Variants in JMY observed in about 807,000 individuals in gnomAD.
JMY encodes junction-mediating and -regulatory protein.
A neutral mutation model predicts 103.3 loss-of-function variants in JMY; 46 were observed. The observed-to-expected ratio is 0.45, with a 90% CI of 0.35 to 0.57. JMY has a LOEUF of 0.57. Ranked by LOEUF, JMY falls within the 20% of genes least tolerant of loss-of-function variation. The pLI, the probability that JMY is intolerant of heterozygous loss-of-function variation, is 0.00. For synonymous variants in JMY, 526 were observed against 489.3 expected (o/e 1.07, Z -0.99); for missense variants, 1,238 against 1,255.2 (o/e 0.99, Z 0.21).
At position 79,293,960 on chromosome 5, in the gene JMY, T is replaced by G. The variant is rs572441162; in HGVS notation, c.1527+2661T>G. On this transcript the variant is annotated intron_variant, in intron 4 of 10. Coordinates refer to ENST00000396137, the MANE Select transcript of JMY (RefSeq NM_152405.5). ...TCAGATATAGCTTACGTTTTTTGTT[T>G]TAAACTATTGGACAAGATTAAAATA... is the stretch of plus-strand genomic sequence containing the variant. Among the ~76,000 whole-genome samples, 11 of 152,342 alleles carry G rather than the reference T, an allele frequency of 7.2e-5. No homozygotes were observed. In the East Asian group the frequency reaches 2.1e-3, roughly 29 times the overall value.
intron 1 of JMY, among the ~76,000 whole-genome samples, chr5:79,258,847 A>C (rs1745333924): frequency 6.6e-6 from 1 of 152,132 alleles, no homozygotes; most frequent in East Asian, 1.9e-4. Flanking sequence ...TGTTGGCTGT[A>C]ACATTGTGGG....
chr5:79,314,913 AT>A (rs1483077396), intron 9 of JMY, 62 bp downstream of exon 9: 6 of 1,436,454 alleles, frequency 4.2e-6, no homozygotes, highest in South Asian at 1.5e-5. Flanking sequence ...AAAAAACTAT[AT>A]TTTTTGACGT....
At position 79,314,434 on chromosome 5, in the gene JMY, C is replaced by T. The variant is rs1392108360; in HGVS notation, c.2242C>T (p.Gln748Ter). 1 of 1,614,168 alleles carries T rather than the reference C, an allele frequency of 6.2e-7. No individual in the cohort carries two copies. Among genetic ancestry groups the T allele is most frequent in the Non-Finnish European group, 8.5e-7 (1 of 1,180,032 alleles). Residue 748 changes from glutamine (Q) to a stop codon, truncating the protein, a stop_gained, in exon 9 of 11, where the codon CAG (glutamine) becomes TAG (stop). Transcript: ENST00000396137. LOFTEE classifies it high-confidence loss of function. ...GEGRVKRGPS[Q>*]TTEPQSLVQL... ...AGGAAGAGTCAAGCGTGGGCCATCACAGACAACAGAACCCCAGAGCCTTGT... is the reference window on the plus strand; with the variant it reads ...AGGAAGAGTCAAGCGTGGGCCATCATAGACAACAGAACCCCAGAGCCTTGT...
chr5:79,243,049 C>G (rs1744787117), intron 1 of JMY, among the ~76,000 whole-genome samples: 1 of 152,110 alleles, frequency 6.6e-6, no homozygotes, highest in African/African-American at 2.4e-5. Context: ...CCTAGTGGTG[C>G]AAGGATAGGT....
intron 7 of JMY, 85 bp from the exon 8 acceptor site, chr5:79,312,318 C>T (rs1048917049): frequency 2.2e-5 from 17 of 778,286 alleles, no homozygotes; most frequent in African/African-American, 1.8e-4. Flanking sequence ...CTTTGGCCCA[C>T]ATTAGGATAA....
chr5:79,274,920 A>T (rs1745894519), intron 1 of JMY, among the ~76,000 whole-genome samples: 2 of 152,216 alleles, frequency 1.3e-5, no homozygotes, highest in Admixed American at 6.5e-5. Context: ...AAGGCAGCAG[A>T]TGAAATATTT....
intron 2 of JMY, among the ~76,000 whole-genome samples, chr5:79,282,966 G>A (rs1746163309): frequency 6.7e-6 from 1 of 149,936 alleles, no homozygotes; most frequent in Admixed American, 6.7e-5. Flanking sequence ...TATCAAACCG[G>A]TTATTTCAAC....
intron 1 of JMY, among the ~76,000 whole-genome samples, chr5:79,253,765 G>A (rs1279507022): frequency 1.3e-5 from 2 of 152,044 alleles, no homozygotes; most frequent in African/African-American, 4.8e-5. Flanking sequence ...GCATGCAGTG[G>A]AGTGCAGGCT....
intron 7 of JMY, among the ~76,000 whole-genome samples, chr5:79,308,348 G>C (rs1013903901): frequency 1.3e-5 from 2 of 152,126 alleles, no homozygotes; most frequent in Non-Finnish European, 2.9e-5. Flanking sequence ...TTATAGTTTT[G>C]TGTTTTATAT....
chr5:79,261,078 C>G (rs867673044), intron 1 of JMY, among the ~76,000 whole-genome samples: 3 of 152,046 alleles, frequency 2.0e-5, no homozygotes, highest in African/African-American at 4.8e-5. Context: ...CTCATTAAGC[C>G]AAAGGGAAAA....
At chr5:79,289,468 A>G (rs1359081080) in intron 2 of JMY, among the ~76,000 whole-genome samples, 2 of 152,106 alleles carry the variant, frequency 1.3e-5, no homozygotes, top group Admixed American at 6.5e-5. Context: ...GATTGTATGT[A>G]TAAGTGATCC....
chr5:79,316,692 G>A (rs932052490), intron 10 of JMY, among the ~76,000 whole-genome samples: 24 of 151,920 alleles, frequency 1.6e-4, no homozygotes, highest in African/African-American at 5.3e-4. Context: ...GATCACTTGA[G>A]GTCAGGAGTT....
intron 4 of JMY, among the ~76,000 whole-genome samples, chr5:79,296,754 C>T (rs1580362042): frequency 6.6e-6 from 1 of 152,196 alleles, no homozygotes; most frequent in Non-Finnish European, 1.5e-5. Context: ...TGATTCAGTC[C>T]ACAGGTAGCT....
At chr5:79,274,181 T>C (rs1045222143) in intron 1 of JMY, among the ~76,000 whole-genome samples, 1 of 152,198 alleles carries the variant, frequency 6.6e-6, no homozygotes, top group Non-Finnish European at 1.5e-5. Flanking sequence ...TCAAGTTCAT[T>C]GACTGTTATT....
rs1389435144 is a variant in JMY at position 79,284,418 on chromosome 5, T to C, written c.1207-5703T>C. On this transcript the variant is annotated intron_variant, in intron 2 of 10. Coordinates refer to ENST00000396137, the MANE Select transcript of JMY (RefSeq NM_152405.5). ...TGCACCTCTCGGGTCATGATTTCCA[T>C]CATCTTCTTCCGGATTTGGCGGACC... is the stretch of plus-strand genomic sequence containing the variant. The C allele has an allele frequency of 2.1e-6, 3 of 1,458,890 alleles. No individual in the cohort carries two copies. In the African/African-American group the frequency reaches 4.2e-5, roughly 20 times the overall value. The allele number at this position is 1,458,890 out of a possible 1,614,324, so 90.4% of individuals were successfully genotyped here. A position where few individuals can be genotyped will look rare whatever the true frequency, so the allele number is the denominator to read the frequency against.
chr5:79,300,269 A>G lies in JMY; in HGVS notation c.1644A>G (p.Glu548=), dbSNP rs1413526651. The G allele has an allele frequency of 6.3e-7, 1 of 1,599,696 alleles. No individual in the cohort carries two copies. The highest frequency in any genetic ancestry group is 8.5e-7 in the Non-Finnish European group (1 of 1,174,514). The change falls in exon 5 of 11, where the codon GAA becomes GAG. Residue 548 remains glutamate (E), a synonymous_variant. Transcript: ENST00000396137. Reference sequence around the variant, plus strand: ...TACAGTTTGAAATCTTGAAGTGTGAAGAGTTACTATTGACAGCGCAACTAG... The same window carrying G: ...TACAGTTTGAAATCTTGAAGTGTGAGGAGTTACTATTGACAGCGCAACTAG... ...YEVQFEILKC[E]ELLLTAQLES... is the part of the protein sequence containing the mutation.
chr5:79,255,492 T>C (rs1745213595), intron 1 of JMY, among the ~76,000 whole-genome samples: 1 of 152,246 alleles, frequency 6.6e-6, no homozygotes, highest in African/African-American at 2.4e-5. Flanking sequence ...TTGGTACTTG[T>C]AGATGTTCAT....
intron 9 of JMY, 104 bp downstream of exon 9, chr5:79,314,955 T>C (rs973860537): frequency 1.9e-6 from 2 of 1,077,836 alleles, no homozygotes; most frequent in Non-Finnish European, 2.6e-6. Context: ...ATTTTTGACA[T>C]TATTTGATAG....
At chr5:79,278,585 C>CAAAAAAAAAAAA (rs34278536) in intron 2 of JMY, among the ~76,000 whole-genome samples, 4 of 57,302 alleles carry the variant, frequency 7.0e-5, no homozygotes, top group Non-Finnish European at 8.9e-5. Flanking sequence ...CCCGTCTCTA[C>CAAAAAAAAAAAA]AAAAAAAAAA....
Sources: allele counts gnomAD v4.1 joint callset (sites outside exome capture counted in the v4.1 genomes callset), GRCh38; gene constraint gnomAD v4.1.1; transcripts MANE v1.5; gene names NCBI Gene and HGNC (gene_info 2026-07-23, HGNC 2026-07-21).